Variants in PATJ observed in about 807,000 individuals in gnomAD.
PATJ encodes inaD-like protein.
In PATJ, 190 loss-of-function variants were observed where a neutral mutation model predicts 224.9. The ratio of observed to expected loss-of-function variants is 0.84; its 90% CI spans 0.75 to 0.95. The LOEUF is 0.95. Among genes scored for constraint, PATJ ranks in the 40% least tolerant of loss-of-function variants. The probability of loss-of-function intolerance (pLI) is 0.00; values close to 1 mark genes in which losing one functional copy is unlikely to be tolerated. For synonymous variants in PATJ, 769 were observed against 820.3 expected (o/e 0.94, Z 1.07); for missense variants, 2,121 against 2,270.3 (o/e 0.93, Z 1.34).
chr1:61,942,291 T>A (rs914311102), intron 27 of PATJ, among the ~76,000 whole-genome samples: 3 of 152,202 alleles, frequency 2.0e-5, no homozygotes, highest in African/African-American at 7.2e-5. Context: ...GCATTTCTTT[T>A]TACAGCTCAT....
intron 33 of PATJ, among the ~76,000 whole-genome samples, chr1:62,101,543 G>C (rs774309066): frequency 6.6e-6 from 1 of 152,128 alleles, no homozygotes; most frequent in African/African-American, 2.4e-5. Context: ...GATTACAGGC[G>C]TGAGCCACTG....
intron 29 of PATJ, among the ~76,000 whole-genome samples, chr1:62,033,517 A>G (rs757487417): frequency 6.6e-5 from 10 of 152,166 alleles, no homozygotes; most frequent in Non-Finnish European, 1.0e-4. Context: ...TCTCTTCTAA[A>G]TGTTAAGCCT....
At chr1:61,768,451 CAG>C (rs1372852561) in intron 4 of PATJ, among the ~76,000 whole-genome samples, 2 of 146,506 alleles carry the variant, frequency 1.4e-5, no homozygotes, top group Non-Finnish European at 3.0e-5. Context: ...GCCTGGGCGA[CAG>C]AGTGAGACTC....
At chr1:61,844,712 G>A (rs1293260218) in intron 17 of PATJ, among the ~76,000 whole-genome samples, 1 of 152,146 alleles carries the variant, frequency 6.6e-6, no homozygotes, top group African/African-American at 2.4e-5. Context: ...TAATCCCCAT[G>A]TGTCAGGGGA....
chr1:61,904,723 G>A (rs940883292), intron 24 of PATJ, among the ~76,000 whole-genome samples: 2 of 152,212 alleles, frequency 1.3e-5, no homozygotes, highest in African/African-American at 4.8e-5. Context: ...GGAGAAGCAG[G>A]CACCTTCTTC....
intron 27 of PATJ, among the ~76,000 whole-genome samples, chr1:61,986,575 A>T (rs979573568): frequency 7.2e-5 from 11 of 152,018 alleles, no homozygotes; most frequent in Non-Finnish European, 1.6e-4. Context: ...GCGTGCCGCT[A>T]TGCTGGGCTA....
chr1:61,872,540 C>A (rs978262540), intron 20 of PATJ, among the ~76,000 whole-genome samples: 2 of 152,212 alleles, frequency 1.3e-5, no homozygotes, highest in Non-Finnish European at 2.9e-5. Flanking sequence ...GGTTACCAGG[C>A]TGCTTTCCCA....
chr1:61,753,553 C>T (rs1344046122), intron 1 of PATJ, among the ~76,000 whole-genome samples: 1 of 151,154 alleles, frequency 6.6e-6, no homozygotes, highest in Admixed American at 6.6e-5. Flanking sequence ...CACTCTGTCA[C>T]GGCTGGAGTG....
At chr1:61,922,490 C>G (rs1674482406) in intron 26 of PATJ, among the ~76,000 whole-genome samples, 1 of 152,188 alleles carries the variant, frequency 6.6e-6, no homozygotes, top group African/African-American at 2.4e-5. Flanking sequence ...AGAACACTGC[C>G]TGGCATCATA....
intron 1 of PATJ, among the ~76,000 whole-genome samples, chr1:61,757,258 G>A (rs1645702792): frequency 6.6e-6 from 1 of 151,840 alleles, no homozygotes; most frequent in Non-Finnish European, 1.5e-5. Flanking sequence ...TTTTTGTAGA[G>A]ACTGGGTCTC....
chr1:61,903,963 A>G (rs1053722104), intron 24 of PATJ, among the ~76,000 whole-genome samples: 4 of 151,898 alleles, frequency 2.6e-5, no homozygotes, highest in African/African-American at 9.7e-5. Flanking sequence ...TGGTGGAGAC[A>G]GGGTTTTGCC....
At chr1:62,020,100 G>T (rs1646993507) in intron 29 of PATJ, among the ~76,000 whole-genome samples, 1 of 152,042 alleles carries the variant, frequency 6.6e-6, no homozygotes, top group South Asian at 2.1e-4. Context: ...AGCCCAGGAG[G>T]TTGAGGCTGC....
At chr1:62,156,412 C>T (rs148613164) in intron 43 of PATJ, among the ~76,000 whole-genome samples, 1 of 151,852 alleles carries the variant, frequency 6.6e-6, no homozygotes, top group South Asian at 2.1e-4. Flanking sequence ...CACCTGTAAT[C>T]CCAGCTACTC....
chr1:61,753,149 G>C (rs186692127), intron 1 of PATJ, among the ~76,000 whole-genome samples: 2 of 152,126 alleles, frequency 1.3e-5, no homozygotes, highest in African/African-American at 2.4e-5. Flanking sequence ...AAAAACTTCA[G>C]AAATCATGAC....
chr1:61,976,563 A>G (rs1644143009), intron 27 of PATJ, among the ~76,000 whole-genome samples: 1 of 151,822 alleles, frequency 6.6e-6, no homozygotes, highest in Non-Finnish European at 1.5e-5. Flanking sequence ...CCCACCCATC[A>G]TGCCTGGCTA....
intron 17 of PATJ, among the ~76,000 whole-genome samples, chr1:61,848,211 A>G (rs1662270369): frequency 6.6e-6 from 1 of 152,188 alleles, no homozygotes; most frequent in South Asian, 2.1e-4. Flanking sequence ...AGAAACGAAG[A>G]CACTCGTGAA....
intron 30 of PATJ, chr1:62,038,904 C>G (rs1277281247): frequency 1.2e-5 from 11 of 909,208 alleles, no homozygotes; most frequent in Non-Finnish European, 1.7e-5. Flanking sequence ...TTGTTGGAGT[C>G]CTGTGCACAG....
intron 27 of PATJ, among the ~76,000 whole-genome samples, chr1:61,966,664 C>T (rs140525187): frequency 0.05 from 6,916 of 137,862 alleles, 230 homozygotes; most frequent in Middle Eastern, 0.09. Context: ...CCAGCCTGGG[C>T]GACAAGAGCG....
chr1:61,955,808 A>C lies in PATJ; in HGVS notation c.3670+27979A>C, dbSNP rs2482880. ...AAAGCCTGTACTTTTAAGAAGTTTTAATTTTTCGTGTCTTCATGCATCTTC... is the reference window on the plus strand; with the variant it reads ...AAAGCCTGTACTTTTAAGAAGTTTTCATTTTTCGTGTCTTCATGCATCTTC... On this transcript the variant is annotated intron_variant, in intron 27 of 43. Transcript: ENST00000642238. Among the ~76,000 whole-genome samples, 530 of 152,258 alleles carry C rather than the reference A, an allele frequency of 3.5e-3. 3 individuals are homozygous for C. Among genetic ancestry groups the C allele is most frequent in the African/African-American group, 0.012 (501 of 41,556 alleles).
Sources: gnomAD v4.1 joint callset for allele counts (sites outside exome capture counted in the v4.1 genomes callset) on GRCh38, gnomAD v4.1.1 for gene constraint, MANE v1.5 for transcripts, NCBI Gene and HGNC (gene_info 2026-07-23, HGNC 2026-07-21) for gene names.